The following UFL1 variants were observed in gnomAD, a reference collection of about 807,000 sequenced individuals.
UFL1 encodes the protein UFM1 specific ligase 1, also known as E3 UFM1-protein ligase 1.
A neutral mutation model predicts 99.3 loss-of-function variants in UFL1; 78 were observed. That is an observed-to-expected ratio of 0.79 (90% CI 0.65 to 0.95). The LOEUF (loss-of-function observed/expected upper bound fraction) is 0.95, where lower values mean the gene tolerates loss of function less well. UFL1 is among the 40% of genes least tolerant of loss of function. UFL1 has a pLI of 0.00. For missense variants in UFL1, 936 were observed against 937.0 expected (o/e 1.00, Z 0.01); for synonymous variants, 335 against 322.2 (o/e 1.04, Z -0.42).
chr6:96,553,108 C>G (rs925137765), intron 18 of UFL1, among the ~76,000 whole-genome samples, 177 bp from the exon 19 acceptor site: 1 of 152,006 alleles, frequency 6.6e-6, no homozygotes, highest in Non-Finnish European at 1.5e-5. Context: ...CATGTTTTAT[C>G]TCTCCTAAAT....
intron 11 of UFL1, among the ~76,000 whole-genome samples, chr6:96,541,276 T>G (rs1371270829): frequency 6.6e-6 from 1 of 151,448 alleles, no homozygotes; most frequent in Non-Finnish European, 1.5e-5. Context: ...CTTGATATAT[T>G]TTAGGTGTCC....
chr6:96,551,016 G>A (rs1770071564), intron 15 of UFL1, among the ~76,000 whole-genome samples: 1 of 151,902 alleles, frequency 6.6e-6, no homozygotes, highest in African/African-American at 2.4e-5. Context: ...TCATACCATA[G>A]AGCATAACAA....
In UFL1 at chr6:96,549,468, C is replaced by T. The variant is rs150787694; in HGVS notation, c.1577C>T (p.Thr526Ile). Residue 526 changes from threonine (T) to isoleucine (I), a missense_variant, in exon 14 of 19, where the codon ACT becomes ATT. Transcript: ENST00000369278. ...CGTTCAGTATTCATGTCTTCAACAA[C>T]TTCTGCTTCTGGGACGGGCAGAAAA... ...VVRSVFMSST[T>I]SASGTGRKRT... is the part of the protein sequence containing the mutation. The T allele has an allele frequency of 1.1e-5, 18 of 1,595,988 alleles. No individual in the cohort carries two copies. In the African/African-American group the frequency reaches 1.4e-4, roughly 12 times the overall value.
At chr6:96,523,947 A>G (rs989636520) in intron 2 of UFL1, among the ~76,000 whole-genome samples, 1 of 152,150 alleles carries the variant, frequency 6.6e-6, no homozygotes, top group African/African-American at 2.4e-5. Context: ...CCTTTAAAAT[A>G]TGAGCTATAA....
At chr6:96,541,853 C>G (rs1166699784) in intron 11 of UFL1, among the ~76,000 whole-genome samples, 1 of 150,930 alleles carries the variant, frequency 6.6e-6, no homozygotes, top group Non-Finnish European at 1.5e-5. Context: ...ATGTTCCCCC[C>G]CATAGGAAAC....
intron 1 of UFL1, among the ~76,000 whole-genome samples, chr6:96,522,418 G>C (rs2127947813): frequency 6.6e-6 from 1 of 152,220 alleles, no homozygotes; most frequent in East Asian, 1.9e-4. Flanking sequence ...TCTCGTAACA[G>C]ACCTAGGGCT....
chr6:96,534,077 A>G (rs894274962), intron 6 of UFL1, among the ~76,000 whole-genome samples, 186 bp from the exon 7 acceptor site: 2 of 151,924 alleles, frequency 1.3e-5, no homozygotes, highest in African/African-American at 4.8e-5. Flanking sequence ...TGCAAGTACA[A>G]ATTGATTTCC....
chr6:96,527,769 C>G (rs961343424), intron 5 of UFL1, among the ~76,000 whole-genome samples: 10 of 152,140 alleles, frequency 6.6e-5, no homozygotes, highest in East Asian at 1.9e-4. Context: ...CAGTTCCATT[C>G]TGAATATAGC....
Position 96,538,775 on chromosome 6 carries a change from C to T in UFL1, c.1123C>T (p.Leu375=). The change falls in exon 10 of 19, where the codon CTG becomes TTG. Residue 375 remains leucine, a synonymous_variant. Coordinates refer to ENST00000369278, the MANE Select transcript of UFL1 (RefSeq NM_015323.5). ...SEKFINDCTE[L]FRELMHQKAE... Reference sequence around the variant, plus strand: ...AAAATTTATAAATGACTGTACAGAACTGTTCCGTGAGCTGATGCACCAGAA... The same window carrying T: ...AAAATTTATAAATGACTGTACAGAATTGTTCCGTGAGCTGATGCACCAGAA... The T allele has an allele frequency of 6.2e-7, 1 of 1,609,920 alleles. No individual in the cohort carries two copies. Among genetic ancestry groups the T allele is most frequent in the Admixed American group, 1.7e-5 (1 of 59,634 alleles).
At position 96,552,634 on chromosome 6, in the gene UFL1, T is replaced by C. The variant is rs528455891; in HGVS notation, c.2138T>C (p.Ile713Thr). Residue 713 changes from isoleucine to threonine, a missense_variant, in exon 18 of 19, where the codon ATT (isoleucine) becomes ACT (threonine). Transcript: ENST00000369278. ...CCTGGAAGATGTGTCCCACAGATCA[T>C]TGCTTTTCTTAATAGTAAAATTCCA... The part of the protein sequence containing the change: ...HAPGRCVPQI[I>T]AFLNSKIPED... 1.3e-5 allele frequency: 20 copies of C among 1,599,718 alleles called. No homozygotes were observed. The highest frequency in any genetic ancestry group is 5.7e-5 in the South Asian group (5 of 87,636).
chr6:96,550,733 A>C (rs1034056712), intron 15 of UFL1, among the ~76,000 whole-genome samples: 1 of 151,916 alleles, frequency 6.6e-6, no homozygotes, highest in Non-Finnish European at 1.5e-5. Flanking sequence ...TCCTGCCCTT[A>C]TACCAATCTC....
At chr6:96,550,004 A>G (rs1184705563) in intron 15 of UFL1, among the ~76,000 whole-genome samples, 1 of 151,900 alleles carries the variant, frequency 6.6e-6, no homozygotes, top group African/African-American at 2.4e-5. Context: ...GTTAAAAGTA[A>G]TGATGCTTAA....
chr6:96,534,457 T>G, intron 7 of UFL1, 136 bp downstream of exon 7: 1 of 701,066 alleles, frequency 1.4e-6, no homozygotes, highest in East Asian at 3.1e-5. Flanking sequence ...AAAGTTTCTT[T>G]GTATCAAGTT....
intron 6 of UFL1, among the ~76,000 whole-genome samples, chr6:96,531,162 C>T (rs1190209757): frequency 6.6e-6 from 1 of 152,210 alleles, no homozygotes; most frequent in African/African-American, 2.4e-5. Context: ...CCCCACAACC[C>T]GGGTCCGTGC....
At chr6:96,550,270 A>G (rs1198702258) in intron 15 of UFL1, among the ~76,000 whole-genome samples, 1 of 151,802 alleles carries the variant, frequency 6.6e-6, no homozygotes, top group East Asian at 1.9e-4. Flanking sequence ...AGAGGAAGAA[A>G]GGTGCCATCT....
At position 96,528,482 on chromosome 6, in the gene UFL1, A is replaced by C. The variant is rs780384622; in HGVS notation, c.466-20A>C. The stretch of plus-strand genomic sequence containing the variant: ...ATTCTTTTCTTTTAAATTAATAAAA[A>C]TGTACATCTTTACCCACAGGCACTA... On this transcript the variant is annotated intron_variant, in intron 5 of 18. Coordinates refer to ENST00000369278, the MANE Select transcript of UFL1 (RefSeq NM_015323.5). 6.2e-7 allele frequency: 1 copy of C among 1,605,266 alleles called. No individual in the cohort carries two copies.
At position 96,540,630 on chromosome 6, in the gene UFL1, A is replaced by T. The variant is rs770801808; in HGVS notation, c.1254A>T (p.Lys418Asn). 1.3e-6 allele frequency: 2 copies of T among 1,599,662 alleles called. No homozygotes were observed. The highest frequency in any genetic ancestry group is 1.7e-6 in the Non-Finnish European group (2 of 1,174,546). ...TTAGTACAAGTAAAAAGGATAAAAA[A>T]GATGAGCGAAGAAGGAAAGCAACAG... ...ESVSTSKKDK[K>N]DERRRKATEG... is the part of the protein sequence containing the mutation. The change falls in exon 11 of 19, where the codon AAA (lysine) becomes AAT (asparagine). Residue 418 changes from lysine (K) to asparagine (N), a missense_variant. Coordinates refer to ENST00000369278, the MANE Select transcript of UFL1 (RefSeq NM_015323.5).
intron 15 of UFL1, among the ~76,000 whole-genome samples, chr6:96,551,216 C>T (rs1418257213): frequency 4.4e-5 from 6 of 135,022 alleles, no homozygotes; most frequent in Admixed American, 2.3e-4. Context: ...CTTTCTCTTA[C>T]ATTGATGGAG....
At chr6:96,526,513 A>G (rs1769705325) in intron 5 of UFL1, 78 bp downstream of exon 5, 11 of 1,094,768 alleles carry the variant, frequency 1.0e-5, no homozygotes, top group South Asian at 2.7e-5. Flanking sequence ...AAGGGGGAAA[A>G]AAAAATGAGA....
Sources: gnomAD v4.1 joint callset for allele counts (sites outside exome capture counted in the v4.1 genomes callset) on GRCh38, gnomAD v4.1.1 for gene constraint, MANE v1.5 for transcripts, NCBI Gene and HGNC (gene_info 2026-07-23, HGNC 2026-07-21) for gene names.